Variants in RAPGEF2 observed in about 807,000 individuals in gnomAD.
The protein encoded by RAPGEF2 is Rap guanine nucleotide exchange factor 2, also known as PDZ domain containing guanine nucleotide exchange factor (GEF) 1.
RAPGEF2 carries 54 observed loss-of-function variants against 186.7 expected under a neutral mutation model. The observed-to-expected ratio is 0.29, with a 90% confidence interval of 0.23 to 0.36. The LOEUF (loss-of-function observed/expected upper bound fraction) is 0.36, where lower values mean the gene tolerates loss of function less well. Among genes scored for constraint, RAPGEF2 ranks in the 10% least tolerant of loss-of-function variants. RAPGEF2 has a pLI of 1.00. For missense variants in RAPGEF2, 1,532 were observed against 2,045.0 expected (o/e 0.75, Z 4.84); for synonymous variants, 712 against 705.9 (o/e 1.01, Z -0.14).
At chr4:159,190,476 G>A (rs998886733) in intron 2 of RAPGEF2, among the ~76,000 whole-genome samples, 4 of 152,176 alleles carry the variant, frequency 2.6e-5, no homozygotes, top group South Asian at 4.1e-4. Flanking sequence ...AGGTGATGGC[G>A]GAAAGATGTA....
intron 1 of RAPGEF2, among the ~76,000 whole-genome samples, chr4:159,139,072 G>A (rs748338635): frequency 1.3e-5 from 2 of 152,204 alleles, no homozygotes; most frequent in Non-Finnish European, 2.9e-5. Context: ...GCTCTAGGAA[G>A]GGCACATTTG....
At position 159,332,548 on chromosome 4, in the gene RAPGEF2, C is replaced by T; in HGVS notation, c.1986C>T (p.Ser662=). Reference sequence around the variant, plus strand: ...ACATTAAAAAGGCCAGTCGCTACTCCATTCCAGATCTTGCTGTAGATGTAG... The same window carrying T: ...ACATTAAAAAGGCCAGTCGCTACTCTATTCCAGATCTTGCTGTAGATGTAG... ...IGDIKKASRY[S]IPDLAVDVEQ... Residue 662 remains serine (S), a synonymous_variant, in exon 17 of 30, where the codon TCC becomes TCT. Transcript: ENST00000691494. The T allele has an allele frequency of 2.5e-6, 4 of 1,614,128 alleles. No individual in the cohort carries two copies. Among genetic ancestry groups the T allele is most frequent in the Non-Finnish European group, 3.4e-6 (4 of 1,180,030 alleles).
At chr4:159,354,082 G>T (rs972496382) in intron 28 of RAPGEF2, 36 bp downstream of exon 28, 1 of 1,502,746 alleles carries the variant, frequency 6.7e-7, no homozygotes, top group South Asian at 1.3e-5. Flanking sequence ...GTCATGTCTG[G>T]ATCATGTCTT....
At chr4:159,246,028 T>C (rs1413356909) in intron 7 of RAPGEF2, among the ~76,000 whole-genome samples, 2 of 152,158 alleles carry the variant, frequency 1.3e-5, no homozygotes, top group African/African-American at 4.8e-5. Context: ...ATCAGGAGAC[T>C]TTGAACACAG....
chr4:159,255,233 ATGT>A (rs1263729758), intron 7 of RAPGEF2, among the ~76,000 whole-genome samples: 1 of 152,164 alleles, frequency 6.6e-6, no homozygotes, highest in Non-Finnish European at 1.5e-5. Context: ...CGTTCTCGGA[ATGT>A]ATTCCCCGTC....
chr4:159,197,650 C>T (rs1475942325), intron 3 of RAPGEF2, among the ~76,000 whole-genome samples: 1 of 152,158 alleles, frequency 6.6e-6, no homozygotes, highest in Non-Finnish European at 1.5e-5. Flanking sequence ...TGTAAATGTG[C>T]AATTTAGAAC....
At chr4:159,342,526 CTTTTATTTTA>C (rs200624687) in intron 20 of RAPGEF2, among the ~76,000 whole-genome samples, 1 of 108,682 alleles carries the variant, frequency 9.2e-6, no homozygotes, top group African/African-American at 3.7e-5. Context: ...ACTATCATAG[CTTTTATTTTA>C]TTTTATTTTA....
chr4:159,338,600 CT>C, intron 18 of RAPGEF2, 132 bp downstream of exon 18: 1 of 1,017,610 alleles, frequency 9.8e-7, no homozygotes, highest in Non-Finnish European at 1.4e-6. Flanking sequence ...GAAACTTAAA[CT>C]TTAAGATTTT....
intron 4 of RAPGEF2, 148 bp from the exon 5 acceptor site, chr4:159,238,661 T>C (rs1357092009): frequency 4.1e-6 from 2 of 482,140 alleles, no homozygotes; most frequent in Non-Finnish European, 3.5e-6. Flanking sequence ...TCTGTGTAAA[T>C]TATTAAAGAT....
At chr4:159,131,120 GAGAGAGAGAGAC>G (rs1560994292) in intron 1 of RAPGEF2, among the ~76,000 whole-genome samples, 2 of 151,286 alleles carry the variant, frequency 1.3e-5, no homozygotes, top group Non-Finnish European at 2.9e-5. Flanking sequence ...GAGAGAGAGA[GAGAGAGAGAGAC>G]AGAATTTCGC....
rs546176077 is a variant in RAPGEF2, at chr4:159,247,549, G to A, written c.543+3758G>A. 3.8e-4 allele frequency among the ~76,000 whole-genome samples: 58 copies of A among 152,262 alleles called. No individual in the cohort carries two copies. The South Asian group carries it at 0.012, about 31-fold the overall frequency. ...ACAACAAAGAGACTGAAGCAGAGGT[G>A]TGACATACTGAGATTTACATTTAAA... On this transcript the variant is annotated intron_variant, in intron 7 of 29. Transcript: ENST00000691494.
intron 29 of RAPGEF2, among the ~76,000 whole-genome samples, chr4:159,357,520 G>A (rs946123139): frequency 6.6e-6 from 1 of 152,114 alleles, no homozygotes; most frequent in African/African-American, 2.4e-5. Flanking sequence ...AAAGTTTTCA[G>A]TTTAACATGT....
chr4:159,202,474 G>C (rs1194497662), intron 3 of RAPGEF2, among the ~76,000 whole-genome samples: 1 of 152,150 alleles, frequency 6.6e-6, no homozygotes, highest in Non-Finnish European at 1.5e-5. Context: ...GTGGCTGTTG[G>C]GAGTCTTGTT....
chr4:159,319,869 C>A (rs183211806), intron 9 of RAPGEF2, among the ~76,000 whole-genome samples: 1 of 151,884 alleles, frequency 6.6e-6, no homozygotes, highest in Non-Finnish European at 1.5e-5. Context: ...TATGTCTACA[C>A]GAAGCACTTT....
intron 1 of RAPGEF2, among the ~76,000 whole-genome samples, chr4:159,131,541 T>TTTTTTTTC (rs1741104185): frequency 6.7e-6 from 1 of 149,430 alleles, no homozygotes; most frequent in Admixed American, 6.7e-5. Flanking sequence ...TTTTTTTTTT[T>TTTTTTTTC]TTTTTAGCTT....
intron 3 of RAPGEF2, among the ~76,000 whole-genome samples, chr4:159,199,756 T>C (rs949843094): frequency 2.1e-4 from 32 of 152,296 alleles, no homozygotes; most frequent in African/African-American, 7.5e-4. Flanking sequence ...GGGACTCCTA[T>C]AGTGAAGTTA....
At chr4:159,251,199 C>T (rs1341717529) in intron 7 of RAPGEF2, among the ~76,000 whole-genome samples, 2 of 152,260 alleles carry the variant, frequency 1.3e-5, no homozygotes, top group African/African-American at 2.4e-5. Context: ...CTGCAGCCCG[C>T]CATGTCCGAG....
chr4:159,251,760 G>T (rs1033637578), intron 7 of RAPGEF2, among the ~76,000 whole-genome samples: 1 of 150,900 alleles, frequency 6.6e-6, no homozygotes, highest in Non-Finnish European at 1.5e-5. Context: ...TCAGCTGTCT[G>T]TAAAATGGAC....
Position 159,355,896 on chromosome 4 carries a change from C to CCCCCCCAAAGT in RAPGEF2, c.4695_4696insCCCCCCAAAGT (p.Gly1566ProfsTer63). 1 of 1,555,934 alleles carries CCCCCCCAAAGT rather than the reference C, an allele frequency of 6.4e-7. No individual in the cohort carries two copies. The highest frequency in any genetic ancestry group is 8.7e-7 in the Non-Finnish European group (1 of 1,149,432). On this transcript the variant is annotated frameshift_variant, in exon 29 of 30. Transcript: ENST00000691494. LOFTEE classifies it high-confidence loss of function. Reference sequence around the variant, plus strand: ...ATCGAGAGCCCCCGCCCACCCCTCCCGGCTACATTGGAATTCCCATTACTG... The same window carrying CCCCCCCAAAGT: ...ATCGAGAGCCCCCGCCCACCCCTCCCCCCCCCAAAGTGGCTACATTGGAATTCCCATTACTG...
Sources: gnomAD v4.1 joint callset for allele counts (sites outside exome capture counted in the v4.1 genomes callset) on GRCh38, gnomAD v4.1.1 for gene constraint, MANE v1.5 for transcripts, NCBI Gene and HGNC (gene_info 2026-07-23, HGNC 2026-07-21) for gene names.